Variants in NKAIN2 observed in about 807,000 individuals in gnomAD.
NKAIN2 encodes sodium/potassium transporting ATPase interacting 2.
Under a neutral mutation model 32.6 loss-of-function variants are expected in NKAIN2, and 14 were observed. The observed-to-expected ratio is 0.43, with a 90% CI of 0.28 to 0.67. The LOEUF is 0.67. Ranked by LOEUF, NKAIN2 falls within the 30% of genes least tolerant of loss-of-function variation. The pLI is 0.17. For missense variants in NKAIN2, 198 were observed against 258.3 expected (o/e 0.77, Z 1.60); for synonymous variants, 80 against 87.2 (o/e 0.92, Z 0.46).
At chr6:124,444,023 A>C (rs907979851) in intron 3 of NKAIN2, among the ~76,000 whole-genome samples, 1 of 152,032 alleles carries the variant, frequency 6.6e-6, no homozygotes, top group African/African-American at 2.4e-5. Flanking sequence ...ATTTGCATGA[A>C]TATTTAAGTA....
At chr6:124,094,747 G>A (rs1296338852) in intron 1 of NKAIN2, among the ~76,000 whole-genome samples, 1 of 151,940 alleles carries the variant, frequency 6.6e-6, no homozygotes, top group Non-Finnish European at 1.5e-5. Context: ...GGCAGTTAAG[G>A]GCGCAATTTC....
chr6:124,591,572 AT>A (rs1294433390), intron 3 of NKAIN2, among the ~76,000 whole-genome samples: 2 of 152,130 alleles, frequency 1.3e-5, no homozygotes, highest in Non-Finnish European at 1.5e-5. Flanking sequence ...CTGCAAAAAA[AT>A]AATTTTTTTG....
intron 3 of NKAIN2, among the ~76,000 whole-genome samples, chr6:124,554,785 C>T (rs186804926): frequency 4.6e-5 from 7 of 152,142 alleles, no homozygotes; most frequent in Non-Finnish European, 5.9e-5. Flanking sequence ...TTTCTTCTTC[C>T]GAGATGTTTC....
chr6:123,915,000 G>A (rs932919868), intron 1 of NKAIN2, among the ~76,000 whole-genome samples: 3 of 152,122 alleles, frequency 2.0e-5, no homozygotes, highest in African/African-American at 7.2e-5. Context: ...CTGGGAAGGT[G>A]GCAGTCTGAG....
intron 4 of NKAIN2, among the ~76,000 whole-genome samples, chr6:124,691,030 G>A (rs1009684056): frequency 6.6e-6 from 1 of 152,146 alleles, no homozygotes; most frequent in African/African-American, 2.4e-5. Context: ...GAAGGAGGGG[G>A]AAAAACAGAA....
intron 1 of NKAIN2, among the ~76,000 whole-genome samples, chr6:124,169,104 G>C (rs1300931644): frequency 1.3e-5 from 2 of 152,042 alleles, no homozygotes; most frequent in Non-Finnish European, 2.9e-5. Flanking sequence ...TATGTGCACA[G>C]ACACATATAT....
rs150151155 is a variant in NKAIN2, at chr6:124,034,657, A to T, written c.54+230403A>T. Among the ~76,000 whole-genome samples, 18 of 152,214 alleles carry T rather than the reference A, an allele frequency of 1.2e-4. 1 individual carries two copies. In the East Asian group the frequency reaches 3.5e-3, roughly 29 times the overall value. On this transcript the variant is annotated intron_variant, in intron 1 of 6. Transcript: ENST00000368417. ...ACCCAGTAGTGAGATTGCTAGGTCT[A>T]ATGGTAGTTCTGTTTTTAGTTCTTT...
intron 1 of NKAIN2, among the ~76,000 whole-genome samples, chr6:123,973,621 A>G (rs1353346904): frequency 1.3e-5 from 2 of 152,032 alleles, no homozygotes; most frequent in African/African-American, 4.8e-5. Flanking sequence ...CAAAACTCCA[A>G]ATTCATAGTC....
intron 3 of NKAIN2, among the ~76,000 whole-genome samples, chr6:124,515,802 TGCC>T (rs1778891481): frequency 9.7e-4 from 3 of 3,096 alleles, no homozygotes; most frequent in African/African-American, 3.5e-3. Flanking sequence ...GCCATTCTCC[TGCC>T]TCAGCCTCCC....
At chr6:123,914,348 G>A (rs1775383294) in intron 1 of NKAIN2, among the ~76,000 whole-genome samples, 1 of 151,898 alleles carries the variant, frequency 6.6e-6, no homozygotes, top group African/African-American at 2.4e-5. Flanking sequence ...AAAAAGACAT[G>A]TCGGGAGGAA....
intron 4 of NKAIN2, among the ~76,000 whole-genome samples, chr6:124,708,449 G>C (rs891284714): frequency 4.1e-4 from 63 of 151,938 alleles, no homozygotes; most frequent in African/African-American, 1.2e-3. Context: ...GCCATTTTCA[G>C]GATATTGATT....
chr6:124,173,673 A>G (rs555528019), intron 1 of NKAIN2, among the ~76,000 whole-genome samples: 12 of 152,248 alleles, frequency 7.9e-5, no homozygotes, highest in East Asian at 1.9e-4. Context: ...TATGATACCT[A>G]TATCAAATAT....
intron 1 of NKAIN2, among the ~76,000 whole-genome samples, chr6:123,985,107 A>C (rs1397409298): frequency 6.6e-6 from 1 of 152,060 alleles, no homozygotes. Context: ...ACTGGTAAAA[A>C]ATTGTATCAG....
intron 4 of NKAIN2, among the ~76,000 whole-genome samples, chr6:124,674,868 T>G (rs1275812540): frequency 6.6e-6 from 1 of 152,024 alleles, no homozygotes; most frequent in Non-Finnish European, 1.5e-5. Context: ...CTAATTTATC[T>G]TGGTGAGGAC....
chr6:124,514,461 C>G (rs1382897736), intron 3 of NKAIN2, among the ~76,000 whole-genome samples: 2 of 152,164 alleles, frequency 1.3e-5, no homozygotes, highest in Non-Finnish European at 2.9e-5. Context: ...AATTCTCAGG[C>G]TCCATCCTAG....
intron 3 of NKAIN2, among the ~76,000 whole-genome samples, chr6:124,426,348 C>T (rs908738820): frequency 6.6e-6 from 1 of 152,076 alleles, no homozygotes; most frequent in Non-Finnish European, 1.5e-5. Flanking sequence ...TTTACTGATA[C>T]TAAAACTTCT....
intron 1 of NKAIN2, among the ~76,000 whole-genome samples, chr6:124,178,338 C>T (rs1243053469): frequency 6.6e-6 from 1 of 150,466 alleles, no homozygotes; most frequent in Non-Finnish European, 1.5e-5. Context: ...CGCTCTGTTG[C>T]CCAGGCTGGA....
chr6:123,892,628 A>G lies in NKAIN2; in HGVS notation c.54+88374A>G, dbSNP rs79801277. 4.8e-3 allele frequency among the ~76,000 whole-genome samples: 734 copies of G among 152,072 alleles called. 31 individuals carry two copies. The East Asian group carries it at 0.11, about 22-fold the overall frequency. On this transcript the variant is annotated intron_variant, in intron 1 of 6. Coordinates refer to ENST00000368417, the MANE Select transcript of NKAIN2 (RefSeq NM_001040214.3). ...GACCCAAACCGTATCAATGACTATC[A>G]GGTTTTCTGCAATCAGATTAGCTGC...
chr6:124,249,635 A>G (rs1263037210), intron 1 of NKAIN2, among the ~76,000 whole-genome samples: 1 of 152,094 alleles, frequency 6.6e-6, no homozygotes, highest in East Asian at 1.9e-4. Context: ...ACACACACAC[A>G]CGCACAACAA....
Sources: gnomAD v4.1 joint callset for allele counts (sites outside exome capture counted in the v4.1 genomes callset) on GRCh38, gnomAD v4.1.1 for gene constraint, MANE v1.5 for transcripts, NCBI Gene and HGNC (gene_info 2026-07-23, HGNC 2026-07-21) for gene names.